PPP4C: variants seen among roughly 807,000 people sequenced by gnomAD.
PPP4C encodes serine/threonine-protein phosphatase 4 catalytic subunit.
In PPP4C, 10 loss-of-function variants were observed where a neutral mutation model predicts 40.5. The observed-to-expected ratio is 0.25, with a 90% CI of 0.15 to 0.42. The LOEUF (loss-of-function observed/expected upper bound fraction) is 0.42, where lower values mean the gene tolerates loss of function less well. Among genes scored for constraint, PPP4C ranks in the 10% least tolerant of loss-of-function variants. PPP4C has a pLI of 1.00. For synonymous variants in PPP4C, 187 were observed against 163.6 expected, an observed-to-expected ratio of 1.14 and a Z score of -1.09; for missense variants, 191 against 416.4, an observed-to-expected ratio of 0.46 and a Z score of 4.71.
At chr16:30,077,509 C>T (rs1393316035) in intron 2 of PPP4C, among the ~76,000 whole-genome samples, 1 of 152,026 alleles carries the variant, frequency 6.6e-6, no homozygotes, top group Non-Finnish European at 1.5e-5. Context: ...CCAAGCAGGA[C>T]GAATGTAACA....
At chr16:30,081,347 C>G (rs372140444) in intron 3 of PPP4C, 37 bp downstream of exon 3, 90 of 1,555,128 alleles carry the variant, frequency 5.8e-5, no homozygotes, top group Non-Finnish European at 7.2e-5. Context: ...CAGGCCTGGT[C>G]TTTCAGGCAC....
intron 3 of PPP4C, 96 bp downstream of exon 3, chr16:30,081,406 T>G: frequency 9.9e-7 from 1 of 1,006,130 alleles, no homozygotes; most frequent in Non-Finnish European, 1.5e-6. Flanking sequence ...AACCCTAAGC[T>G]CTTTTATCTG....
chr16:30,081,492 C>G (rs1252205798), intron 3 of PPP4C, 182 bp downstream of exon 3: 2 of 524,928 alleles, frequency 3.8e-6, no homozygotes, highest in East Asian at 6.2e-5. Flanking sequence ...CACCTGTGAT[C>G]CCAGCATTTT....
chr16:30,081,433 C>T (rs2072504624), intron 3 of PPP4C, 123 bp downstream of exon 3: 1 of 770,170 alleles, frequency 1.3e-6, no homozygotes, highest in South Asian at 1.6e-5. Context: ...CCCTCACCTT[C>T]AACGGAGCAC....
At chr16:30,082,365 C>T in intron 3 of PPP4C, 119 bp from the exon 4 acceptor site, 2 of 1,096,924 alleles carry the variant, frequency 1.8e-6, no homozygotes, top group South Asian at 2.6e-5. Context: ...GAATTTTGGT[C>T]CTAGGAAGTA....
chr16:30,076,137 G>A (rs2072386213), intron 1 of PPP4C, 43 bp downstream of exon 1: 6 of 569,342 alleles, frequency 1.1e-5, no homozygotes. Flanking sequence ...CTTAGCGCGG[G>A]ACCGCGGGGT....
chr16:30,076,611 C>T, intron 2 of PPP4C, 136 bp downstream of exon 2: 2 of 840,120 alleles, frequency 2.4e-6, no homozygotes, highest in Non-Finnish European at 3.8e-6. Context: ...GAGCCGCTGC[C>T]CTCGAGGAAA....
Position 30,085,098 on chromosome 16 carries a change from C to G in PPP4C, c.*36C>G. 6.2e-7 allele frequency: 1 copy of G among 1,605,446 alleles called. No homozygotes were observed. The highest frequency in any genetic ancestry group is 1.3e-5 in the African/African-American group (1 of 74,890). ...CCCCTGCCCCCTCCAACCCTTCTGG[C>G]CCTCGCACCACTGTGACTCTGCCAT... On this transcript the variant is annotated 3_prime_UTR_variant, in exon 9 of 9. Transcript: ENST00000279387.
Position 30,085,108 on chromosome 16 carries a change from A to G in PPP4C, c.*46A>G, listed in dbSNP as rs754067114. 2.5e-6 allele frequency: 4 copies of G among 1,596,730 alleles called. No homozygotes were observed. The highest frequency in any genetic ancestry group is 3.4e-6 in the Non-Finnish European group (4 of 1,169,214). Reference sequence around the variant, plus strand: ...CTCCAACCCTTCTGGCCCTCGCACCACTGTGACTCTGCCATCTTCCTCAGA... The same window carrying G: ...CTCCAACCCTTCTGGCCCTCGCACCGCTGTGACTCTGCCATCTTCCTCAGA... On this transcript the variant is annotated 3_prime_UTR_variant, in exon 9 of 9. Transcript: ENST00000279387.
intron 2 of PPP4C, among the ~76,000 whole-genome samples, chr16:30,080,671 T>C (rs1054424258): frequency 2.6e-5 from 4 of 151,956 alleles, no homozygotes; most frequent in Non-Finnish European, 5.9e-5. Context: ...CACGCCTGGC[T>C]AATTTTTGTA....
In PPP4C at chr16:30,085,059, G is replaced by A; in HGVS notation, c.921G>A (p.Leu307=). 1 of 1,613,728 alleles carries A rather than the reference G, an allele frequency of 6.2e-7. No individual in the cohort carries two copies. The highest frequency in any genetic ancestry group is 8.5e-7 in the Non-Finnish European group (1 of 1,179,958). ...AGAAGCCCGTGGCCGACTACTTCCT[G>A]TGACCCCGCCCGGCCCCTGCCCCCT... ...PSKKPVADYF[L] The change falls in exon 9 of 9, where the codon CTG becomes CTA. Residue 307 remains leucine (L), a synonymous_variant. Coordinates refer to ENST00000279387, the MANE Select transcript of PPP4C (RefSeq NM_002720.3).
Position 30,085,102 on chromosome 16 carries a change from C to T in PPP4C, c.*40C>T, listed in dbSNP as rs547575197. On this transcript the variant is annotated 3_prime_UTR_variant, in exon 9 of 9. Transcript: ENST00000279387. ...TGCCCCCTCCAACCCTTCTGGCCCT[C>T]GCACCACTGTGACTCTGCCATCTTC... The T allele has an allele frequency of 2.0e-5, 32 of 1,603,372 alleles. No homozygotes were observed. The South Asian group carries it at 2.1e-4, about 11-fold the overall frequency.
chr16:30,078,705 C>G (rs970795914), intron 2 of PPP4C, among the ~76,000 whole-genome samples: 2 of 152,210 alleles, frequency 1.3e-5, no homozygotes, highest in African/African-American at 4.8e-5. Context: ...GCTGAAATTG[C>G]TGCTACTAGA....
chr16:30,082,141 A>AG (rs1256817578), intron 3 of PPP4C, among the ~76,000 whole-genome samples: 2 of 152,110 alleles, frequency 1.3e-5, no homozygotes, highest in Non-Finnish European at 2.9e-5. Flanking sequence ...CCAGGGCAGA[A>AG]GGACTCCTAT....
rs1176867789 is a variant in PPP4C at position 30,085,148 on chromosome 16, G to GT, written c.*86_*87insT. 3 of 1,398,306 alleles carry GT rather than the reference G, an allele frequency of 2.1e-6. No individual in the cohort carries two copies. Among genetic ancestry groups the GT allele is most frequent in the East Asian group, 4.9e-5 (2 of 40,920 alleles). The allele number at this position is 1,398,306 out of a possible 1,614,324, so 86.6% of individuals were successfully genotyped here. ...TCTTCCTCAGACGGAGGCTGGGCGT[G>GT]GGGGGGGCTGTCCTGGCTCTGCTGT... On this transcript the variant is annotated 3_prime_UTR_variant, in exon 9 of 9. Transcript: ENST00000279387.
chr16:30,082,915 C>T lies in PPP4C; in HGVS notation c.303+68C>T, dbSNP rs766237855. The T allele has an allele frequency of 3.1e-5, 42 of 1,342,582 alleles. No homozygotes were observed. In the African/African-American group the frequency reaches 3.2e-4, roughly 10 times the overall value. The allele number at this position is 1,342,582 out of a possible 1,614,324, so 83.2% of individuals were successfully genotyped here. ...GGGCCGGGCCTGTCTTAGTCCGTTC[C>T]GCCCTCATCTCCTATCGTGACCAGC... On this transcript the variant is annotated intron_variant, in intron 5 of 8. Coordinates refer to ENST00000279387, the MANE Select transcript of PPP4C (RefSeq NM_002720.3).
chr16:30,080,340 G>A (rs1231771543), intron 2 of PPP4C, among the ~76,000 whole-genome samples: 29 of 107,026 alleles, frequency 2.7e-4, no homozygotes, highest in African/African-American at 1.0e-3. Flanking sequence ...GCCAGACTCT[G>A]TCTCAAAAAA....
rs750817869 is a variant in PPP4C, at chr16:30,082,486, G to C, written c.153G>C (p.Val51=). 7 of 1,613,728 alleles carry C rather than the reference G, an allele frequency of 4.3e-6. No individual in the cohort carries two copies. The South Asian group carries it at 6.6e-5, about 15-fold the overall frequency. Residue 51 remains valine, a splice_region_variant and synonymous_variant, in exon 4 of 9, where the codon GTG becomes GTC. Coordinates refer to ENST00000279387, the MANE Select transcript of PPP4C (RefSeq NM_002720.3). The part of the protein sequence containing the change: ...NVQRVDSPVT[V]CGDIHGQFYD... ...ACCCCACTCTTCCTGTTCCCCAGGT[G>C]TGCGGCGACATCCATGGACAATTCT...
intron 3 of PPP4C, among the ~76,000 whole-genome samples, chr16:30,082,024 CA>C (rs2072517754): frequency 6.6e-6 from 1 of 151,332 alleles, no homozygotes; most frequent in Non-Finnish European, 1.5e-5. Flanking sequence ...CACCGCACTC[CA>C]GGCTAGGCGA....
Sources: allele counts gnomAD v4.1 joint callset (sites outside exome capture counted in the v4.1 genomes callset), GRCh38; gene constraint gnomAD v4.1.1; transcripts MANE v1.5; gene names NCBI Gene and HGNC (gene_info 2026-07-23, HGNC 2026-07-21).